RAPGEF2: variants seen among roughly 807,000 people sequenced by gnomAD.
RAPGEF2 encodes Rap guanine nucleotide exchange factor 2.
A neutral mutation model predicts 186.7 loss-of-function variants in RAPGEF2; 54 were observed. The ratio of observed to expected loss-of-function variants is 0.29; its 90% confidence interval spans 0.23 to 0.36. The LOEUF (loss-of-function observed/expected upper bound fraction) is 0.36, where lower values mean the gene tolerates loss of function less well. Among genes scored for constraint, RAPGEF2 ranks in the 10% least tolerant of loss-of-function variants. The pLI, the probability that RAPGEF2 is intolerant of heterozygous loss-of-function variation, is 1.00. For synonymous variants in RAPGEF2, 712 were observed against 705.9 expected (o/e 1.01, Z -0.14); for missense variants, 1,532 against 2,045.0 (o/e 0.75, Z 4.84).
Position 159,343,365 on chromosome 4 carries a change from C to T in RAPGEF2, c.3215C>T (p.Ala1072Val). 6.2e-7 allele frequency: 1 copy of T among 1,614,068 alleles called. No individual in the cohort carries two copies. The highest frequency in any genetic ancestry group is 8.5e-7 in the Non-Finnish European group (1 of 1,179,946). The change falls in exon 22 of 30, where the codon GCT becomes GTT. Residue 1072 changes from alanine (A) to valine (V), a missense_variant. Coordinates refer to ENST00000691494, the MANE Select transcript of RAPGEF2 (RefSeq NM_001394067.2). ...GAAATTCGTCACGTTGGCCGAATGG[C>T]TTCAGTGAACATGGACCCTGCCCTC... ...AKEIRHVGRM[A>V]SVNMDPALMF...
At chr4:159,351,956 C>CA (rs1165382638) in intron 26 of RAPGEF2, among the ~76,000 whole-genome samples, 3 of 152,132 alleles carry the variant, frequency 2.0e-5, no homozygotes, top group South Asian at 2.1e-4. Flanking sequence ...GTCTCAAAAA[C>CA]AAAAAAATCA....
intron 1 of RAPGEF2, among the ~76,000 whole-genome samples, chr4:159,138,595 GTTAA>G (rs1488446072): frequency 2.6e-5 from 4 of 152,090 alleles, no homozygotes; most frequent in African/African-American, 9.7e-5. Context: ...CTTGTGGTAG[GTTAA>G]TTGACTCATT....
At position 159,353,030 on chromosome 4, in the gene RAPGEF2, C is replaced by A; in HGVS notation, c.4091+120C>A. 1 of 918,960 alleles carries A rather than the reference C, an allele frequency of 1.1e-6. No individual in the cohort carries two copies. Among genetic ancestry groups the A allele is most frequent in the South Asian group, 1.8e-5 (1 of 54,880 alleles). The allele number at this position is 918,960 out of a possible 1,614,324, so 56.9% of individuals were successfully genotyped here. On this transcript the variant is annotated intron_variant, in intron 27 of 29. Coordinates refer to ENST00000691494, the MANE Select transcript of RAPGEF2 (RefSeq NM_001394067.2). The surrounding 1 kb of genome is among the most constrained non-coding windows in gnomAD (Gnocchi z 4.3). ...ACATAATGCCTAAGAATTTTTCTGC[C>A]ATCCCAGTTCTGATTTTCACAATTT...
rs772011656 is a variant in RAPGEF2, at chr4:159,114,119, A to ATT, written c.69+9905_69+9906dup. Among the ~76,000 whole-genome samples, 628 of 136,872 alleles carry ATT rather than the reference A, an allele frequency of 4.6e-3. 2 individuals are homozygous for ATT. The highest frequency in any genetic ancestry group is 0.016 in the African/African-American group (593 of 37,086). 89.8% of individuals were successfully genotyped at this position (136,872 alleles called of 152,430 possible). A position where few individuals can be genotyped will look rare whatever the true frequency, so the allele number is the denominator to read the frequency against. On this transcript the variant is annotated intron_variant, in intron 1 of 29. Transcript: ENST00000691494. ...AGGCATGCACCATCATACCTGGCTAATTTTTTTTTTTTTTTTTTCTTTGAG... is the reference window on the plus strand; with the variant it reads ...AGGCATGCACCATCATACCTGGCTAATTTTTTTTTTTTTTTTTTTTCTTTGAG...
intron 4 of RAPGEF2, 75 bp downstream of exon 4, chr4:159,210,658 T>G: frequency 1.7e-6 from 2 of 1,173,292 alleles, no homozygotes; most frequent in East Asian, 2.6e-5. Flanking sequence ...TCTAAAATTC[T>G]TTTCTCTTCC....
chr4:159,198,320 TTCTTTCTTTCTTTCTTTTTCTTTC>T (rs1749005159), intron 3 of RAPGEF2, among the ~76,000 whole-genome samples: 6 of 55,264 alleles, frequency 1.1e-4, no homozygotes, highest in Non-Finnish European at 2.0e-4. Flanking sequence ...CTTTCTTTCT[TTCTTTCTTTCTTTCTTTTTCTTTC>T]TCTCTCTTTC....
At chr4:159,188,206 A>C (rs1579410440) in intron 2 of RAPGEF2, among the ~76,000 whole-genome samples, 1 of 152,256 alleles carries the variant, frequency 6.6e-6, no homozygotes, top group East Asian at 1.9e-4. Flanking sequence ...TGGAAATGCA[A>C]CTAATTAATA....
At position 159,346,855 on chromosome 4, in the gene RAPGEF2, G is replaced by T; in HGVS notation, c.3569G>T (p.Gly1190Val). The T allele has an allele frequency of 3.7e-6, 6 of 1,614,096 alleles. No homozygotes were observed. The highest frequency in any genetic ancestry group is 5.1e-6 in the Non-Finnish European group (6 of 1,180,018). ...ACCTCTCCAGTAGCTCCAAGGGCAG[G>T]GTCACAACAGAAAGCTCAGTCCCTG... ...SETSPVAPRA[G>V]SQQKAQSLPQ... Residue 1190 changes from glycine to valine, a missense_variant, in exon 25 of 30, where the codon GGG becomes GTG. Physicochemically the swap from Gly to Val is moderately radical, Grantham distance 109 (BLOSUM62 -3). This residue lies in a region of RAPGEF2 where 594 missense variants were observed against 608.5 expected (regional missense o/e 0.98). Coordinates refer to ENST00000691494, the MANE Select transcript of RAPGEF2 (RefSeq NM_001394067.2).
rs753636925 is a variant in RAPGEF2 at position 159,323,658 on chromosome 4, T to G, written c.1149+41T>G. On this transcript the variant is annotated intron_variant, in intron 11 of 29. Transcript: ENST00000691494. Reference sequence around the variant, plus strand: ...TTAAAAATATATATTTTATTCTTAATAAAGAACACTTATATGCCATTGTGA... The same window carrying G: ...TTAAAAATATATATTTTATTCTTAAGAAAGAACACTTATATGCCATTGTGA... 1.7e-6 allele frequency: 2 copies of G among 1,186,860 alleles called. 1 individual carries two copies. Among genetic ancestry groups the G allele is most frequent in the South Asian group, 5.2e-5 (2 of 38,242 alleles). The allele number at this position is 1,186,860 out of a possible 1,614,324, so 73.5% of individuals were successfully genotyped here.
rs960096829 is a variant in RAPGEF2 at position 159,353,776 on chromosome 4, T to C, written c.4381T>C (p.Phe1461Leu). 1.2e-6 allele frequency: 2 copies of C among 1,614,150 alleles called. No individual in the cohort carries two copies. Among genetic ancestry groups the C allele is most frequent in the Non-Finnish European group, 1.7e-6 (2 of 1,180,022 alleles). ...AAGCAGCCATATGGACCAAATTATG[T>C]TTTCTGATCATAGCACAAAGTATAA... Reference protein sequence around the residue: ...ASSSHMDQIMFSDHSTKYNRQ... With the variant: ...ASSSHMDQIMLSDHSTKYNRQ... The change falls in exon 28 of 30, where the codon TTT becomes CTT. Residue 1461 changes from phenylalanine to leucine, a missense_variant. Phe to Leu is a conservative substitution (Grantham distance 22). This residue lies in a region of RAPGEF2 where 594 missense variants were observed against 608.5 expected (regional missense o/e 0.98). Coordinates refer to ENST00000691494, the MANE Select transcript of RAPGEF2 (RefSeq NM_001394067.2). This position sits in a 1 kb window ranked among gnomAD's most constrained non-coding sequence, Gnocchi z 4.3.
chr4:159,104,541 A>T (rs1390152178), intron 1 of RAPGEF2, among the ~76,000 whole-genome samples: 7 of 126,438 alleles, frequency 5.5e-5, no homozygotes, highest in Non-Finnish European at 1.0e-4. Flanking sequence ...AGACAGAGAG[A>T]GAGAGAGAGA....
At chr4:159,311,948 A>T (rs893382716) in intron 8 of RAPGEF2, among the ~76,000 whole-genome samples, 1 of 152,150 alleles carries the variant, frequency 6.6e-6, no homozygotes, top group Non-Finnish European at 1.5e-5. Context: ...TATTTTATGA[A>T]TAGTTTGTTT....
In RAPGEF2 at chr4:159,163,230, C is replaced by T. The variant is rs182928073; in HGVS notation, c.70-23412C>T. Among the ~76,000 whole-genome samples the T allele has an allele frequency of 2.2e-3, 328 of 152,188 alleles. 4 individuals carry two copies. The highest frequency in any genetic ancestry group is 7.3e-3 in the African/African-American group (305 of 41,528). ...AATAATTTTATACATTATTATTTTA[C>T]CTATTTTACAGATTTGTAAAATGTG... is the stretch of plus-strand genomic sequence containing the variant. On this transcript the variant is annotated intron_variant, in intron 1 of 29. Coordinates refer to ENST00000691494, the MANE Select transcript of RAPGEF2 (RefSeq NM_001394067.2).
chr4:159,169,812 A>G (rs1235001420), intron 1 of RAPGEF2, among the ~76,000 whole-genome samples: 1 of 152,090 alleles, frequency 6.6e-6, no homozygotes, highest in Non-Finnish European at 1.5e-5. Context: ...TTCTTCATCC[A>G]TCCATTGAGG....
chr4:159,171,891 A>G (rs1745941990), intron 1 of RAPGEF2, among the ~76,000 whole-genome samples: 1 of 152,160 alleles, frequency 6.6e-6, no homozygotes, highest in African/African-American at 2.4e-5. Flanking sequence ...AGCCAAGACC[A>G]TTGCCCTTCA....
intron 6 of RAPGEF2, among the ~76,000 whole-genome samples, chr4:159,242,412 G>C (rs1474806606): frequency 6.6e-6 from 1 of 151,626 alleles, no homozygotes; most frequent in Admixed American, 6.6e-5. Context: ...AATGTACACA[G>C]ACTTAAAATT....
At chr4:159,271,573 A>G (rs1349459517) in intron 7 of RAPGEF2, among the ~76,000 whole-genome samples, 1 of 152,198 alleles carries the variant, frequency 6.6e-6, no homozygotes, top group Admixed American at 6.5e-5. Flanking sequence ...GGGACATATT[A>G]CTAGTAAGTG....
At chr4:159,336,104 T>A (rs539268487) in intron 17 of RAPGEF2, among the ~76,000 whole-genome samples, 1 of 152,310 alleles carries the variant, frequency 6.6e-6, no homozygotes, top group Admixed American at 6.5e-5. Context: ...GAAATTTAAT[T>A]TTGTCCCGGA....
In RAPGEF2 at chr4:159,312,695, A is replaced by G. The variant is rs543771166; in HGVS notation, c.676-1896A>G. Among the ~76,000 whole-genome samples the G allele has an allele frequency of 3.3e-5, 5 of 152,304 alleles. No individual in the cohort carries two copies. The South Asian group carries it at 1.0e-3, about 32-fold the overall frequency. ...TTTTCCCCTTAAGTTTCTTTTTTAA[A>G]TAATATATGCATTTTAGTTCAGGAA... On this transcript the variant is annotated intron_variant, in intron 8 of 29. Coordinates refer to ENST00000691494, the MANE Select transcript of RAPGEF2 (RefSeq NM_001394067.2).
Sources: allele counts gnomAD v4.1 joint callset (sites outside exome capture counted in the v4.1 genomes callset), GRCh38; gene constraint gnomAD v4.1.1; regional missense constraint gnomAD v4.1.1; non-coding constraint Gnocchi (gnomAD v3.1); transcripts MANE v1.5; gene names NCBI Gene and HGNC (gene_info 2026-07-23, HGNC 2026-07-21).